Variants in C22orf31 observed in about 807,000 individuals in gnomAD.
The protein encoded by C22orf31 is chromosome 22 open reading frame 31, also known as uncharacterized protein C22orf31.
C22orf31 carries 11 observed loss-of-function variants against 15.0 expected under a neutral mutation model. That is an observed-to-expected ratio of 0.73 (90% CI 0.46 to 1.21). The LOEUF is 1.21. Among genes scored for constraint, C22orf31 ranks in the 50% most tolerant of loss-of-function variants. C22orf31 has a pLI of 0.00. For synonymous variants in C22orf31, 132 were observed against 133.3 expected (o/e 0.99, Z 0.07); for missense variants, 340 against 347.2 (o/e 0.98, Z 0.17).
At chr22:29,071,873 G>T in the C22orf31 span, among the ~76,000 whole-genome samples, 2 of 152,246 alleles carry the variant, frequency 1.3e-5, no homozygotes, top group African/African-American at 2.4e-5. Flanking sequence ...AAGCAGTACT[G>T]TCTCATCCAT....
In C22orf31 at chr22:29,058,871, C is replaced by T. The variant is rs1385567215; in HGVS notation, c.744G>A (p.Trp248Ter). 3.1e-6 allele frequency: 5 copies of T among 1,614,160 alleles called. No individual in the cohort carries two copies. In the Admixed American group the frequency reaches 6.7e-5, roughly 22 times the overall value. Residue 248 changes from tryptophan (W) to a stop codon, truncating the protein, a stop_gained, in exon 3 of 3, where the codon TGG (tryptophan) becomes TGA (stop). Coordinates refer to ENST00000216071, the MANE Select transcript of C22orf31 (RefSeq NM_015370.2). LOFTEE classifies it low-confidence loss of function (END_TRUNC). ...ELGKAIKQKL[W>*]EALCSQGAIS... ...TGGCACCCTGACTGCAAAGAGCCTC[C>T]CAGAGCTTTTGTTTAATGGCCTTGC...
In C22orf31 at chr22:29,060,006, A is replaced by G. The variant is rs151074048; in HGVS notation, c.432+409T>C. On this transcript the variant is annotated intron_variant, in intron 2 of 2. Coordinates refer to ENST00000216071, the MANE Select transcript of C22orf31 (RefSeq NM_015370.2). Reference sequence around the variant, plus strand: ...TTAGGATTTCCTTCACTTGGTATAGATCTTTTTTTCTTTTCTTTTTTTTTT... The same window carrying G: ...TTAGGATTTCCTTCACTTGGTATAGGTCTTTTTTTCTTTTCTTTTTTTTTT... 5.8e-5 allele frequency: 51 copies of G among 875,280 alleles called. No individual in the cohort carries two copies. The African/African-American group carries it at 9.2e-4, about 16-fold the overall frequency. The allele number at this position is 875,280 out of a possible 1,614,324, so 54.2% of individuals were successfully genotyped here. A position where few individuals can be genotyped will look rare whatever the true frequency, so the allele number is the denominator to read the frequency against.
At chr22:29,068,250 TTTTA>T in the C22orf31 span, among the ~76,000 whole-genome samples, 1,304 of 148,422 alleles carry the variant, frequency 8.8e-3, 15 homozygotes, top group African/African-American at 0.029. Flanking sequence ...CCTGGCTAAT[TTTTA>T]TTTATTTATT....
At chr22:29,073,094 C>T in the C22orf31 span, 2 of 744,566 alleles carry the variant, frequency 2.7e-6, no homozygotes, top group South Asian at 5.7e-5. This position sits in a 1 kb window ranked among gnomAD's most constrained non-coding sequence, Gnocchi z 4.4. Context: ...GCCCCCTTTA[C>T]CCCGGGCCGC....
At chr22:29,073,460 C>T in the C22orf31 span, among the ~76,000 whole-genome samples, 1 of 152,092 alleles carries the variant, frequency 6.6e-6, no homozygotes, top group African/African-American at 2.4e-5. The surrounding 1 kb of genome is among the most constrained non-coding windows in gnomAD (Gnocchi z 4.4). Flanking sequence ...CTGCAGGACC[C>T]GGTGCTCCTC....
Position 29,059,023 on chromosome 22 carries a change from ACTG to A in C22orf31, c.589_591del (p.Gln197del). 6.2e-7 allele frequency: 1 copy of A among 1,614,172 alleles called. No individual in the cohort carries two copies. Among genetic ancestry groups the A allele is most frequent in the Non-Finnish European group, 8.5e-7 (1 of 1,180,028 alleles). ...TGGATGGTTAGCGTGTCCTCCGACA[ACTG>A]CTGTCTCTTTTGGGTTTCAGGAAGC... On this transcript the variant is annotated inframe_deletion, in exon 3 of 3. Coordinates refer to ENST00000216071, the MANE Select transcript of C22orf31 (RefSeq NM_015370.2).
At chr22:29,073,046 G>T in the C22orf31 span, 4 of 237,910 alleles carry the variant, frequency 1.7e-5, no homozygotes, top group Non-Finnish European at 2.7e-5. The surrounding 1 kb of genome is among the most constrained non-coding windows in gnomAD (Gnocchi z 4.4). Flanking sequence ...CTCGGGCCCC[G>T]CGTCCTGCTC....
the C22orf31 span, among the ~76,000 whole-genome samples, chr22:29,068,084 CTT>C: frequency 7.7e-4 from 100 of 130,184 alleles, no homozygotes; most frequent in African/African-American, 2.6e-3. Context: ...CAAACCCCGT[CTT>C]TTTTTTTTTT....
chr22:29,065,394 C>A (rs2037422593), upstream of C22orf31, among the ~76,000 whole-genome samples: 5 of 150,306 alleles, frequency 3.3e-5, no homozygotes, highest in Admixed American at 3.4e-4. Context: ...GGCAACAAAG[C>A]AAGACCCCAT....
In C22orf31 at chr22:29,059,580, T is replaced by A. The variant is rs147529572; in HGVS notation, c.433-398A>T. 204 of 495,640 alleles carry A rather than the reference T, an allele frequency of 4.1e-4. 1 individual carries two copies. The highest frequency in any genetic ancestry group is 3.6e-3 in the African/African-American group (171 of 48,126). 30.7% of individuals were successfully genotyped at this position (495,640 alleles called of 1,614,324 possible). A position where few individuals can be genotyped will look rare whatever the true frequency, so the allele number is the denominator to read the frequency against. On this transcript the variant is annotated intron_variant, in intron 2 of 2. Transcript: ENST00000216071. ...GGCCGTTATCCCCCATTTAATATGA[T>A]AATATCAAGGCACAAAGAAATTAAG...
the C22orf31 span, among the ~76,000 whole-genome samples, chr22:29,072,535 T>C: frequency 1.3e-5 from 2 of 152,210 alleles, no homozygotes; most frequent in Admixed American, 6.5e-5. Flanking sequence ...TTTAAACCTG[T>C]CCAAGGTGTT....
chr22:29,067,235 TG>T, the C22orf31 span, among the ~76,000 whole-genome samples: 1 of 151,410 alleles, frequency 6.6e-6, no homozygotes, highest in African/African-American at 2.4e-5. Context: ...ATTTATTAAA[TG>T]TATAAAATAT....
At position 29,060,711 on chromosome 22, in the gene C22orf31, A is replaced by G. The variant is rs9625679; in HGVS notation, c.136T>C (p.Cys46Arg). The change falls in exon 2 of 3, where the codon TGT becomes CGT. Residue 46 changes from cysteine (C) to arginine (R), a missense_variant. Transcript: ENST00000216071. Reference protein sequence around the residue: ...ALTNIWMARTCAKQNINAPAP... With the variant: ...ALTNIWMARTRAKQNINAPAP... Reference sequence around the variant, plus strand: ...GGGGCATTAATGTTCTGCTTTGCACATGTTCTGGCCATCCAGATGTTGGTG... The same window carrying G: ...GGGGCATTAATGTTCTGCTTTGCACGTGTTCTGGCCATCCAGATGTTGGTG... 0.054 allele frequency: 86,819 copies of G among 1,613,932 alleles called. 4,386 individuals carry two copies. The highest frequency in any genetic ancestry group is 0.25 in the East Asian group (10,997 of 44,852).
Position 29,058,718 on chromosome 22 carries a change from C to T in C22orf31, c.*24G>A, listed in dbSNP as rs375977401. 37 of 1,557,174 alleles carry T rather than the reference C, an allele frequency of 2.4e-5. No homozygotes were observed. Among genetic ancestry groups the T allele is most frequent in the East Asian group, 1.6e-4 (7 of 44,548 alleles). On this transcript the variant is annotated 3_prime_UTR_variant, in exon 3 of 3. Transcript: ENST00000216071. ...TTTTTCAGATCTCTAGCAGAGAATACTCTAATCCCATGAGTTCTTGTTCCT... is the reference window on the plus strand; with the variant it reads ...TTTTTCAGATCTCTAGCAGAGAATATTCTAATCCCATGAGTTCTTGTTCCT...
upstream of C22orf31, among the ~76,000 whole-genome samples, chr22:29,064,907 G>A (rs1000069822): frequency 6.6e-6 from 1 of 151,864 alleles, no homozygotes; most frequent in Non-Finnish European, 1.5e-5. Context: ...AGGCTGAAGT[G>A]CAATGGCACA....
chr22:29,058,981 C>T lies in C22orf31; in HGVS notation c.634G>A (p.Gly212Ser). ...TLTIHGLPTEGYQALYHAVVE... is the reference protein window; with the variant it reads ...TLTIHGLPTESYQALYHAVVE... ...ACAGCGTGGTACAGAGCCTGGTAAC[C>T]CTCTGTGGGGAGACCATGGATGGTT... is the stretch of plus-strand genomic sequence containing the variant. Residue 212 changes from glycine to serine, a missense_variant, in exon 3 of 3, where the codon GGT becomes AGT. Gly to Ser is a moderately conservative substitution (Grantham distance 56). Coordinates refer to ENST00000216071, the MANE Select transcript of C22orf31 (RefSeq NM_015370.2). 1 of 1,614,104 alleles carries T rather than the reference C, an allele frequency of 6.2e-7. No homozygotes were observed. The highest frequency in any genetic ancestry group is 1.3e-5 in the African/African-American group (1 of 75,034).
chr22:29,061,327 C>T (rs2037389336), intron 1 of C22orf31, among the ~76,000 whole-genome samples: 1 of 152,078 alleles, frequency 6.6e-6, no homozygotes, highest in South Asian at 2.1e-4. Flanking sequence ...AGTGCAATGG[C>T]GTGATCTTGG....
upstream of C22orf31, among the ~76,000 whole-genome samples, chr22:29,066,539 C>CTTTTTTTTTTTTTTTTTTTTTTTTTT (rs134565): frequency 1.4e-4 from 10 of 70,230 alleles, 1 homozygote; most frequent in Admixed American, 2.3e-4. Context: ...CTTTTCTTTT[C>CTTTTTTTTTTTTTTTTTTTTTTTTTT]TTTTTTTTTT....
upstream of C22orf31, among the ~76,000 whole-genome samples, chr22:29,065,599 G>C (rs1479221390): frequency 6.6e-6 from 1 of 152,172 alleles, no homozygotes; most frequent in Non-Finnish European, 1.5e-5. Context: ...CCCTGGTTAC[G>C]GGAGTTGTTC....
Sources: allele counts gnomAD v4.1 joint callset (sites outside exome capture counted in the v4.1 genomes callset), GRCh38; gene constraint gnomAD v4.1.1; non-coding constraint Gnocchi (gnomAD v3.1); transcripts MANE v1.5; gene names NCBI Gene and HGNC (gene_info 2026-07-23, HGNC 2026-07-21).